SDK1: variants seen among roughly 807,000 people sequenced by gnomAD.
The protein encoded by SDK1 is protein sidekick-1.
SDK1 carries 157 observed loss-of-function variants against 245.5 expected under a neutral mutation model. The ratio of observed to expected loss-of-function variants is 0.64; its 90% CI spans 0.56 to 0.73. SDK1 has a LOEUF of 0.73. Ranked by LOEUF, SDK1 falls within the 30% of genes least tolerant of loss-of-function variation. SDK1 has a pLI of 0.00. For synonymous variants in SDK1, 1,647 were observed against 1,278.5 expected (o/e 1.29, Z -6.15); for missense variants, 3,583 against 3,002.3 (o/e 1.19, Z -4.52).
chr7:3,714,644 A>T (rs1290731367), intron 4 of SDK1, among the ~76,000 whole-genome samples: 1 of 152,208 alleles, frequency 6.6e-6, no homozygotes, highest in Non-Finnish European at 1.5e-5. Context: ...GTCGTTTAAT[A>T]CACTTTATTG....
At chr7:3,649,101 C>T (rs1000080186) in intron 4 of SDK1, among the ~76,000 whole-genome samples, 3 of 152,058 alleles carry the variant, frequency 2.0e-5, no homozygotes, top group Non-Finnish European at 4.4e-5. Flanking sequence ...AGGCATCCCA[C>T]GTGTGCCCCT....
chr7:3,999,353 A>G (rs1784909695), intron 14 of SDK1, among the ~76,000 whole-genome samples: 1 of 152,068 alleles, frequency 6.6e-6, no homozygotes, highest in Non-Finnish European at 1.5e-5. Flanking sequence ...TCCATTTTCG[A>G]GGCAAAGAAC....
At chr7:4,013,886 G>A (rs187312900) in intron 16 of SDK1, among the ~76,000 whole-genome samples, 6 of 152,320 alleles carry the variant, frequency 3.9e-5, no homozygotes, top group East Asian at 3.9e-4. Context: ...CTGTCCCCTC[G>A]GGGTGGGGGC....
chr7:4,245,648 G>T (rs756040238), intron 43 of SDK1, 28 bp from the exon 44 acceptor site: 2 of 1,609,834 alleles, frequency 1.2e-6, no homozygotes, highest in Admixed American at 3.3e-5. Flanking sequence ...TGCCCAGAGG[G>T]TAATTGCAGC....
intron 37 of SDK1, among the ~76,000 whole-genome samples, chr7:4,209,341 G>A (rs1399026065): frequency 6.6e-6 from 1 of 152,204 alleles, no homozygotes; most frequent in Non-Finnish European, 1.5e-5. Flanking sequence ...GGGCACCAGG[G>A]CGAGGAGAGT....
chr7:4,190,410 G>T (rs1013107700), intron 35 of SDK1, among the ~76,000 whole-genome samples: 2 of 152,210 alleles, frequency 1.3e-5, no homozygotes, highest in Admixed American at 1.3e-4. Flanking sequence ...TCCCCTGGGT[G>T]GGAACCGTTG....
At chr7:3,671,136 C>G (rs958455288) in intron 4 of SDK1, among the ~76,000 whole-genome samples, 1 of 152,130 alleles carries the variant, frequency 6.6e-6, no homozygotes, top group Non-Finnish European at 1.5e-5. Flanking sequence ...TTGGTCTTAT[C>G]CAAGTCATTA....
At chr7:4,228,579 G>C (rs1004673056) in intron 40 of SDK1, among the ~76,000 whole-genome samples, 4 of 152,184 alleles carry the variant, frequency 2.6e-5, no homozygotes, top group African/African-American at 9.7e-5. Flanking sequence ...TCACTCTGTT[G>C]CCCAGGCTGG....
intron 1 of SDK1, among the ~76,000 whole-genome samples, chr7:3,618,301 C>T (rs551142240): frequency 4.6e-5 from 7 of 152,304 alleles, no homozygotes; most frequent in African/African-American, 1.4e-4. Context: ...CCTTCACCCC[C>T]GTCGCTATCC....
At chr7:3,626,402 G>A (rs1374784482) in intron 2 of SDK1, among the ~76,000 whole-genome samples, 2 of 152,248 alleles carry the variant, frequency 1.3e-5, no homozygotes, top group East Asian at 1.9e-4. Context: ...AAGAGAGTTA[G>A]TAGAACAAGC....
At position 3,966,766 on chromosome 7, in the gene SDK1, G is replaced by T. The variant is rs142959363; in HGVS notation, c.1430-552G>T. Among the ~76,000 whole-genome samples the T allele has an allele frequency of 4.6e-3, 701 of 152,088 alleles. 5 individuals are homozygous for T. Among genetic ancestry groups the T allele is most frequent in the African/African-American group, 0.016 (665 of 41,476 alleles). On this transcript the variant is annotated intron_variant, in intron 9 of 44. Coordinates refer to ENST00000404826, the MANE Select transcript of SDK1 (RefSeq NM_152744.4). ...AGTGGCACGATCATCACTCACTGCA[G>T]CCTCAGCCTCCTGGGCTCAAGCGAT...
At chr7:3,792,691 CCCAT>C (rs71029696) in intron 4 of SDK1, among the ~76,000 whole-genome samples, 86,170 of 147,940 alleles carry the variant, frequency 0.58, 27,176 homozygotes, top group African/African-American at 0.85. Context: ...CCTGCAGTCT[CCCAT>C]CCATCCATCC....
chr7:3,405,130 C>T (rs1451653224), intron 1 of SDK1, among the ~76,000 whole-genome samples: 2 of 150,146 alleles, frequency 1.3e-5, no homozygotes, highest in African/African-American at 5.0e-5. Context: ...CACTGGTCTA[C>T]TCAGACTTCC....
At chr7:3,510,766 C>G (rs971491643) in intron 1 of SDK1, among the ~76,000 whole-genome samples, 20 of 146,424 alleles carry the variant, frequency 1.4e-4, no homozygotes, top group Admixed American at 3.5e-4. Context: ...AGGCTGCAGA[C>G]TCTCAGTCTC....
chr7:3,751,840 AG>A (rs1779782316), intron 4 of SDK1, among the ~76,000 whole-genome samples: 1 of 152,168 alleles, frequency 6.6e-6, no homozygotes, highest in African/African-American at 2.4e-5. Flanking sequence ...CCCTTCTGAA[AG>A]CCCTGGGAAA....
intron 4 of SDK1, among the ~76,000 whole-genome samples, chr7:3,671,293 C>G (rs1051406288): frequency 6.6e-6 from 1 of 152,192 alleles, no homozygotes; most frequent in African/African-American, 2.4e-5. Flanking sequence ...GCTTAATGTT[C>G]TCTAGAATTC....
Position 3,801,788 on chromosome 7 carries a change from T to C in SDK1, c.714-19662T>C, listed in dbSNP as rs113266910. On this transcript the variant is annotated intron_variant, in intron 4 of 44. Coordinates refer to ENST00000404826, the MANE Select transcript of SDK1 (RefSeq NM_152744.4). ...CTGTCCCATTGCAGGGCCTTTGCAC[T>C]TGGAGCTCTCTTCTGGGTTTTCTCA... 1.3e-4 allele frequency among the ~76,000 whole-genome samples: 20 copies of C among 152,276 alleles called. 1 individual carries two copies. The highest frequency in any genetic ancestry group is 4.2e-4 in the South Asian group (2 of 4,818).
At chr7:4,127,518 T>C in intron 26 of SDK1, 22 bp downstream of exon 26, 1 of 1,557,964 alleles carries the variant, frequency 6.4e-7, no homozygotes, top group Non-Finnish European at 8.9e-7. Flanking sequence ...CAGGATGACC[T>C]CCCTTTGCTT....
chr7:4,230,968 G>A (rs927930381), intron 40 of SDK1, among the ~76,000 whole-genome samples: 13 of 152,130 alleles, frequency 8.5e-5, no homozygotes, highest in African/African-American at 3.1e-4. Context: ...TCTGATCAAA[G>A]AGTAGACCGC....
Sources: gnomAD v4.1 joint callset for allele counts (sites outside exome capture counted in the v4.1 genomes callset) on GRCh38, gnomAD v4.1.1 for gene constraint, MANE v1.5 for transcripts, NCBI Gene and HGNC (gene_info 2026-07-23, HGNC 2026-07-21) for gene names.